NIPSNAP1: variants seen among roughly 807,000 people sequenced by gnomAD.
NIPSNAP1 encodes the protein nipsnap homolog 1.
In NIPSNAP1, 25 loss-of-function variants were observed where a neutral mutation model predicts 49.2. The observed-to-expected ratio is 0.51, with a 90% CI of 0.37 to 0.71. NIPSNAP1 has a LOEUF of 0.71. NIPSNAP1 is among the 30% of genes least tolerant of loss of function. The probability of loss-of-function intolerance (pLI) is 0.00; values close to 1 mark genes in which losing one functional copy is unlikely to be tolerated. For missense variants in NIPSNAP1, 294 were observed against 361.0 expected, an observed-to-expected ratio of 0.81 and a Z score of 1.50; for synonymous variants, 143 against 140.7, an observed-to-expected ratio of 1.02 and a Z score of -0.12.
chr22:29,572,299 T>C (rs2064414661), intron 1 of NIPSNAP1, among the ~76,000 whole-genome samples: 1 of 92,388 alleles, frequency 1.1e-5, no homozygotes, highest in Non-Finnish European at 2.0e-5. Context: ...CGAGAATCCA[T>C]CTCAAAAAAA....
rs1362076693 is a variant in NIPSNAP1, at chr22:29,560,733, C to T, written c.706+1G>A. On this transcript the variant is annotated splice_donor_variant, in intron 8 of 9. Transcript: ENST00000216121. LOFTEE classifies it high-confidence loss of function. ...AGGCTCCTGGAAGGTCCTCAACCTA[C>T]CCCAGAGATGGTGCACCACGTAGAG... 1 of 1,613,764 alleles carries T rather than the reference C, an allele frequency of 6.2e-7. No individual in the cohort carries two copies. The highest frequency in any genetic ancestry group is 1.1e-5 in the South Asian group (1 of 91,064).
chr22:29,570,059 G>T, intron 3 of NIPSNAP1, 103 bp downstream of exon 3: 1 of 905,234 alleles, frequency 1.1e-6, no homozygotes, highest in Admixed American at 1.7e-5. Context: ...ACATCTCCTG[G>T]ATTTCTACAG....
chr22:29,571,048 C>T (rs189723825), intron 1 of NIPSNAP1, among the ~76,000 whole-genome samples: 9 of 152,260 alleles, frequency 5.9e-5, no homozygotes, highest in East Asian at 1.9e-4. Context: ...TCCCCTCTAA[C>T]GAGAAGACTG....
chr22:29,561,297 A>T, intron 6 of NIPSNAP1, 95 bp from the exon 7 acceptor site: 1 of 1,519,326 alleles, frequency 6.6e-7, no homozygotes. Flanking sequence ...CTGTCTCCCC[A>T]CCTCCCAAGC....
intron 9 of NIPSNAP1, among the ~76,000 whole-genome samples, 189 bp downstream of exon 9, chr22:29,558,681 C>G (rs9608780): frequency 6.6e-6 from 1 of 152,040 alleles, no homozygotes; most frequent in Admixed American, 6.6e-5. Context: ...TTATCATCCC[C>G]TAGAGTACTC....
At chr22:29,572,811 T>TAAAA (rs1569248755) in intron 1 of NIPSNAP1, among the ~76,000 whole-genome samples, 7 of 111,452 alleles carry the variant, frequency 6.3e-5, no homozygotes, top group African/African-American at 1.9e-4. Context: ...AAAAATAAAA[T>TAAAA]AAAATAAAAT....
chr22:29,557,758 G>T (rs2146599746), intron 9 of NIPSNAP1, among the ~76,000 whole-genome samples: 1 of 152,270 alleles, frequency 6.6e-6, no homozygotes, highest in East Asian at 1.9e-4. Context: ...CAAGGCTCCT[G>T]CTAACTCCTT....
chr22:29,556,671 A>G (rs772358256), intron 9 of NIPSNAP1, among the ~76,000 whole-genome samples: 7 of 152,250 alleles, frequency 4.6e-5, no homozygotes, highest in Non-Finnish European at 8.8e-5. Flanking sequence ...TTTAATGTGC[A>G]TACAAATCAC....
chr22:29,577,895 A>ATT (rs34431643), intron 1 of NIPSNAP1, among the ~76,000 whole-genome samples: 3 of 99,390 alleles, frequency 3.0e-5, no homozygotes, highest in African/African-American at 1.3e-4. Context: ...ACCATGCCTA[A>ATT]TTTTTTTTTT....
At chr22:29,570,037 TA>T in intron 3 of NIPSNAP1, 124 bp downstream of exon 3, 1 of 800,678 alleles carries the variant, frequency 1.2e-6, no homozygotes. Context: ...AAGGCAGAAA[TA>T]AAAGAAATCT....
intron 1 of NIPSNAP1, among the ~76,000 whole-genome samples, chr22:29,572,274 G>A (rs1229793803): frequency 1.4e-5 from 1 of 71,552 alleles, no homozygotes; most frequent in African/African-American, 3.7e-5. Flanking sequence ...TCACACTCCC[G>A]CCTGGGCAAC....
At chr22:29,580,028 C>A in intron 1 of NIPSNAP1, 5 of 1,233,600 alleles carry the variant, frequency 4.1e-6, no homozygotes, top group Non-Finnish European at 5.4e-6. Flanking sequence ...AGCTTCATTC[C>A]TGGGCTGCAG....
Position 29,561,527 on chromosome 22 carries a change from C to T in NIPSNAP1, c.558G>A (p.Glu186=), listed in dbSNP as rs373926410. ...PQPRMGPNIY[E]LRTYKLKPGT... ...GCACCTTGAGCTTGTATGTCCTCAGCTCATAGATGTTGGGACCCATTCTGG... is the reference window on the plus strand; with the variant it reads ...GCACCTTGAGCTTGTATGTCCTCAGTTCATAGATGTTGGGACCCATTCTGG... The change falls in exon 6 of 10, where the codon GAG becomes GAA. Residue 186 remains glutamate, a synonymous_variant. Coordinates refer to ENST00000216121, the MANE Select transcript of NIPSNAP1 (RefSeq NM_003634.4). 11 of 1,613,984 alleles carry T rather than the reference C, an allele frequency of 6.8e-6. No homozygotes were observed. In the African/African-American group the frequency reaches 1.1e-4, roughly 16 times the overall value.
chr22:29,578,153 C>T (rs532550619), intron 1 of NIPSNAP1, among the ~76,000 whole-genome samples: 4 of 151,126 alleles, frequency 2.6e-5, no homozygotes, highest in Admixed American at 2.6e-4. Context: ...GCCTGGGCCT[C>T]CCAAAGTGCT....
chr22:29,557,308 C>T (rs2064303017), intron 9 of NIPSNAP1, among the ~76,000 whole-genome samples: 1 of 151,974 alleles, frequency 6.6e-6, no homozygotes, highest in Admixed American at 6.6e-5. Flanking sequence ...TTAGTAGAGA[C>T]GAGGTTTCAC....
chr22:29,569,897 G>A (rs374181041), intron 3 of NIPSNAP1: 3 of 481,672 alleles, frequency 6.2e-6, no homozygotes, highest in South Asian at 4.2e-5. Flanking sequence ...GCTGGAACAG[G>A]AGAATCGCTT....
intron 4 of NIPSNAP1, among the ~76,000 whole-genome samples, chr22:29,562,828 G>A (rs1008601502): frequency 6.6e-6 from 1 of 151,932 alleles, no homozygotes; most frequent in Admixed American, 6.6e-5. Flanking sequence ...GGCCGGGCAC[G>A]GTGGCTCACG....
At chr22:29,574,927 T>C (rs2064440578) in intron 1 of NIPSNAP1, among the ~76,000 whole-genome samples, 1 of 152,206 alleles carries the variant, frequency 6.6e-6, no homozygotes, top group African/African-American at 2.4e-5. Context: ...AATGATCTTA[T>C]AGTATTGGTA....
intron 1 of NIPSNAP1, among the ~76,000 whole-genome samples, chr22:29,574,263 A>C (rs1274087640): frequency 8.2e-6 from 1 of 121,672 alleles, no homozygotes; most frequent in Non-Finnish European, 1.6e-5. Context: ...CATCTTCACA[A>C]AAAAAAAAAA....
Sources: allele counts gnomAD v4.1 joint callset (sites outside exome capture counted in the v4.1 genomes callset), GRCh38; gene constraint gnomAD v4.1.1; transcripts MANE v1.5; gene names NCBI Gene and HGNC (gene_info 2026-07-23, HGNC 2026-07-21).